TFB1M: variants seen among roughly 807,000 people sequenced by gnomAD.
The protein encoded by TFB1M is transcription factor B1, mitochondrial.
A neutral mutation model predicts 31.1 loss-of-function variants in TFB1M; 27 were observed. The observed-to-expected ratio is 0.87, with a 90% CI of 0.64 to 1.20. The LOEUF is 1.20. TFB1M is among the 50% of genes most tolerant of loss of function. TFB1M has a pLI of 0.00. For missense variants in TFB1M, 394 were observed against 418.7 expected (o/e 0.94, Z 0.51); for synonymous variants, 166 against 151.8 (o/e 1.09, Z -0.69).
At chr6:155,245,869 C>G in the TFB1M span, 1 of 511,744 alleles carries the variant, frequency 2.0e-6, no homozygotes, top group Non-Finnish European at 3.3e-6. Context: ...TTGACAGTGG[C>G]AAATATTAAA....
intron 2 of TFB1M, chr6:155,310,918 T>A (rs1777988587): frequency 4.9e-6 from 2 of 409,438 alleles, no homozygotes; most frequent in Non-Finnish European, 8.9e-6. Flanking sequence ...AAAAAAAAAA[T>A]CACACAAAAC....
intron 2 of TFB1M, among the ~76,000 whole-genome samples, chr6:155,299,879 T>C (rs1193929033): frequency 1.3e-5 from 2 of 152,218 alleles, no homozygotes; most frequent in African/African-American, 4.8e-5. Flanking sequence ...GTGTCAACAC[T>C]GTACTGTGCG....
chr6:155,250,880 G>GTATC, the TFB1M span: 1 of 1,598,506 alleles, frequency 6.3e-7, no homozygotes, highest in Non-Finnish European at 8.6e-7. Flanking sequence ...TGGGATTTCC[G>GTATC]TATCTTCCTT....
chr6:155,248,612 A>T, the TFB1M span, among the ~76,000 whole-genome samples: 2 of 152,202 alleles, frequency 1.3e-5, no homozygotes, highest in African/African-American at 4.8e-5. Context: ...CCTTGTGGAG[A>T]TCTCTGAGCA....
At chr6:155,272,797 C>T (rs533352299) in intron 5 of TFB1M, among the ~76,000 whole-genome samples, 17 of 152,276 alleles carry the variant, frequency 1.1e-4, no homozygotes, top group African/African-American at 3.9e-4. Context: ...ATATTGTTTA[C>T]ACTGATTTTG....
At chr6:155,251,009 C>T in the TFB1M span, 4 of 1,613,974 alleles carry the variant, frequency 2.5e-6, no homozygotes, top group Non-Finnish European at 3.4e-6. Context: ...GGACCTTGAG[C>T]TCACAGTATT....
At position 155,305,730 on chromosome 6, in the gene TFB1M, T is replaced by TATATATTAAATTATATATTTATATATAC. The variant is rs1562426258; in HGVS notation, c.285+5457_285+5458insGTATATATAAATATATAATTTAATATAT. On this transcript the variant is annotated intron_variant, in intron 2 of 6. Transcript: ENST00000367166. Reference sequence around the variant, plus strand: ...ATATTAAATTATATATTTATATATATATTAAATTATATATTTATATATATA... The same window carrying TATATATTAAATTATATATTTATATATAC: ...ATATTAAATTATATATTTATATATATATATATTAAATTATATATTTATATATACATTAAATTATATATTTATATATATA... 1.9e-4 allele frequency among the ~76,000 whole-genome samples: 18 copies of TATATATTAAATTATATATTTATATATAC among 96,434 alleles called. 1 individual carries two copies. Among genetic ancestry groups the TATATATTAAATTATATATTTATATATAC allele is most frequent in the African/African-American group, 7.4e-4 (18 of 24,422 alleles). The allele number at this position is 96,434 out of a possible 152,430, so 63.3% of individuals were successfully genotyped here. A position where few individuals can be genotyped will look rare whatever the true frequency, so the allele number is the denominator to read the frequency against.
At chr6:155,260,139 T>A in intron 6 of TFB1M, 134 bp downstream of exon 6, 2 of 1,043,610 alleles carry the variant, frequency 1.9e-6, no homozygotes, top group Non-Finnish European at 2.9e-6. Context: ...GGCAGTGAAG[T>A]CTTGTCCGTC....
intron 5 of TFB1M, among the ~76,000 whole-genome samples, chr6:155,263,679 C>A (rs1304028895): frequency 6.6e-6 from 1 of 152,142 alleles, no homozygotes; most frequent in African/African-American, 2.4e-5. Flanking sequence ...CAACTGAGAA[C>A]TGTAATCAAC....
At chr6:155,285,584 T>G (rs1776591760) in intron 4 of TFB1M, among the ~76,000 whole-genome samples, 1 of 152,184 alleles carries the variant, frequency 6.6e-6, no homozygotes, top group South Asian at 2.1e-4. Flanking sequence ...AGGTCCTACA[T>G]AAAACAAGCA....
chr6:155,247,984 A>T, the TFB1M span: 3 of 1,612,114 alleles, frequency 1.9e-6, no homozygotes, highest in Non-Finnish European at 2.5e-6. Flanking sequence ...GAGGTCTTTT[A>T]TCCATCTGCT....
At chr6:155,254,245 A>G, downstream of TFB1M, 2 of 1,023,816 alleles carry the variant, frequency 2.0e-6, no homozygotes, top group Non-Finnish European at 2.8e-6. Flanking sequence ...CAAAATCTTA[A>G]GAGTGATCAA....
chr6:155,260,291 T>C lies in TFB1M; in HGVS notation c.776A>G (p.Tyr259Cys), dbSNP rs781055289. Residue 259 changes from tyrosine to cysteine, a missense_variant, in exon 6 of 7, where the codon TAC becomes TGC. Physicochemically the swap from Tyr to Cys is radical, Grantham distance 194 (BLOSUM62 -2). Transcript: ENST00000367166. Reference sequence around the variant, plus strand: ...TTCTTACCTGAGCCCTCGATGGCAGTATTTCCTTCGGAACTGAAATACATT... The same window carrying C: ...TTCTTACCTGAGCCCTCGATGGCAGCATTTCCTTCGGAACTGAAATACATT... ...VQNVFQFRRKYCHRGLRMLFP... is the reference protein window; with the variant it reads ...VQNVFQFRRKCCHRGLRMLFP... 3.1e-6 allele frequency: 5 copies of C among 1,614,136 alleles called. No homozygotes were observed. The East Asian group carries it at 1.1e-4, about 36-fold the overall frequency.
chr6:155,305,097 TTATTTATATATTATA>T (rs1265515760), intron 2 of TFB1M, among the ~76,000 whole-genome samples: 2 of 129,632 alleles, frequency 1.5e-5, no homozygotes, highest in Admixed American at 9.5e-5. Flanking sequence ...TAATTTTATA[TTATTTATATATTATA>T]TATTTATATA....
At chr6:155,253,277 C>G, downstream of TFB1M, 3 of 522,226 alleles carry the variant, frequency 5.7e-6, no homozygotes, top group Non-Finnish European at 1.0e-5. Context: ...TCATTGTTTC[C>G]TTATTTTCCC....
chr6:155,247,919 T>C, the TFB1M span: 4 of 1,481,722 alleles, frequency 2.7e-6, no homozygotes, highest in Non-Finnish European at 2.8e-6. Flanking sequence ...AAATAGATGA[T>C]CTATAAATGT....
In TFB1M at chr6:155,276,451, A is replaced by C. The variant is rs999879999; in HGVS notation, c.666+8707T>G. 2.3e-6 allele frequency: 3 copies of C among 1,330,974 alleles called. No individual in the cohort carries two copies. In the African/African-American group the frequency reaches 4.5e-5, roughly 20 times the overall value. 82.4% of individuals were successfully genotyped at this position (1,330,974 alleles called of 1,614,324 possible). ...GACTTTTAGATTAAAAAAAAATCAG[A>C]ATTATGCTTAACTTTCCCTACAAAG... On this transcript the variant is annotated intron_variant, in intron 5 of 6. Transcript: ENST00000367166.
At chr6:155,251,277 C>T (rs567181948), downstream of TFB1M, among the ~76,000 whole-genome samples, 3 of 152,276 alleles carry the variant, frequency 2.0e-5, no homozygotes, top group South Asian at 6.2e-4. Context: ...ATTTTGAAAC[C>T]TGCTATCTTT....
intron 2 of TFB1M, among the ~76,000 whole-genome samples, chr6:155,299,335 A>G (rs1178538600): frequency 6.6e-6 from 1 of 151,904 alleles, no homozygotes; most frequent in East Asian, 1.9e-4. Context: ...CATTCCACCT[A>G]CTCTACCACC....
Sources: gnomAD v4.1 joint callset for allele counts (sites outside exome capture counted in the v4.1 genomes callset) on GRCh38, gnomAD v4.1.1 for gene constraint, MANE v1.5 for transcripts, NCBI Gene and HGNC (gene_info 2026-07-23, HGNC 2026-07-21) for gene names.